The following SPDYE4 variants were observed in gnomAD, a reference collection of about 807,000 sequenced individuals.
The protein encoded by SPDYE4 is speedy/RINGO cell cycle regulator family member E4, also known as speedy protein E4.
SPDYE4 carries 30 observed loss-of-function variants against 37.5 expected under a neutral mutation model. The observed-to-expected ratio is 0.80, with a 90% CI of 0.60 to 1.09. The LOEUF (loss-of-function observed/expected upper bound fraction) is 1.09. SPDYE4 is among the 50% of genes least tolerant of loss of function. The probability of loss-of-function intolerance (pLI) is 0.00; values close to 1 mark genes in which losing one functional copy is unlikely to be tolerated. For missense variants in SPDYE4, 300 were observed against 307.9 expected (o/e 0.97, Z 0.19); for synonymous variants, 131 against 120.3 (o/e 1.09, Z -0.58).
rs896292502 is a variant in SPDYE4 at position 8,753,382 on chromosome 17, C to G, written c.593G>C (p.Arg198Pro). The G allele has an allele frequency of 1.3e-6, 2 of 1,587,128 alleles. No individual in the cohort carries two copies. The highest frequency in any genetic ancestry group is 1.1e-5 in the South Asian group (1 of 88,222). ...YSQRPLFHKLRYQLLCSMRWR... is the reference protein window; with the variant it reads ...YSQRPLFHKLPYQLLCSMRWR... The stretch of plus-strand genomic sequence containing the variant: ...GCGCATGGAACAGAGGAGCTGGTAT[C>G]GAAGCTTATGGAACAAGGGTCGCTG... Residue 198 changes from arginine (R) to proline (P), a missense_variant, in exon 5 of 7, where the codon CGA becomes CCA. Physicochemically the swap from Arg to Pro is moderately radical, Grantham distance 103. Transcript: ENST00000689094.
intron 5 of SPDYE4, 59 bp downstream of exon 5, chr17:8,753,262 C>T (rs2086742291): frequency 1.2e-6 from 2 of 1,609,018 alleles, no homozygotes; most frequent in South Asian, 2.2e-5. Flanking sequence ...CTGCCCTCCT[C>T]CAGCCTCCAG....
chr17:8,757,180 T>C (rs916460401), intron 2 of SPDYE4, 82 bp downstream of exon 2: 11 of 1,352,328 alleles, frequency 8.1e-6, no homozygotes, highest in Non-Finnish European at 1.1e-5. Context: ...CATATTCTTC[T>C]TATTGGGAAA....
intron 4 of SPDYE4, 72 bp from the exon 5 acceptor site, chr17:8,753,561 G>A: frequency 6.4e-7 from 1 of 1,568,878 alleles, no homozygotes; most frequent in Non-Finnish European, 8.6e-7. Context: ...CAGCCTCTCA[G>A]AGAGGAGGGC....
downstream of SPDYE4, among the ~76,000 whole-genome samples, chr17:8,747,602 T>A (rs1220530163): frequency 6.6e-6 from 1 of 152,236 alleles, no homozygotes; most frequent in East Asian, 1.9e-4. Flanking sequence ...TGTAGCAGGA[T>A]ATTCAATGGG....
chr17:8,753,766 G>A (rs765514312), intron 4 of SPDYE4, among the ~76,000 whole-genome samples: 8 of 152,090 alleles, frequency 5.3e-5, no homozygotes, highest in Non-Finnish European at 7.4e-5. Context: ...GAGGATCACT[G>A]GAGGCCAGGA....
At position 8,753,578 on chromosome 17, in the gene SPDYE4, C is replaced by T. The variant is rs565016558; in HGVS notation, c.486-89G>A. ...GCCTCTCAGAGAGGAGGGCAGGGGA[C>T]CTTCCTCAGCTCAGCACCAACAGCC... On this transcript the variant is annotated intron_variant, in intron 4 of 6. Coordinates refer to ENST00000689094, the MANE Select transcript of SPDYE4 (RefSeq NM_001394956.1). 1.5e-5 allele frequency: 22 copies of T among 1,504,118 alleles called. No homozygotes were observed. The South Asian group carries it at 2.4e-4, about 17-fold the overall frequency. 93.2% of individuals were successfully genotyped at this position (1,504,118 alleles called of 1,614,324 possible).
chr17:8,748,970 C>G (rs1262916036), downstream of SPDYE4, among the ~76,000 whole-genome samples: 2 of 152,160 alleles, frequency 1.3e-5, no homozygotes, highest in Non-Finnish European at 2.9e-5. Context: ...TCCTTCTAGG[C>G]TTGGGATTCT....
intron 4 of SPDYE4, 87 bp downstream of exon 4, chr17:8,755,433 A>G: frequency 6.8e-7 from 1 of 1,463,880 alleles, no homozygotes; most frequent in Non-Finnish European, 9.4e-7. Context: ...AAGTAGGGTA[A>G]AAAAATAGAT....
chr17:8,753,276 A>ACCCCCTCCCCCCCCCCCCCCCCCCCC (rs749429473), intron 5 of SPDYE4, 45 bp downstream of exon 5: 1 of 1,214,478 alleles, frequency 8.2e-7, no homozygotes. Flanking sequence ...CCTCCAGTCC[A>ACCCCCTCCCCCCCCCCCCCCCCCCCC]CCCCATCCCT....
At chr17:8,756,930 C>T (rs2086777460) in intron 2 of SPDYE4, among the ~76,000 whole-genome samples, 1 of 151,826 alleles carries the variant, frequency 6.6e-6, no homozygotes, top group South Asian at 2.1e-4. Context: ...CAGGGTCTTT[C>T]CTTGTCAACC....
At chr17:8,749,218 G>C (rs1308734618), downstream of SPDYE4, among the ~76,000 whole-genome samples, 1 of 150,588 alleles carries the variant, frequency 6.6e-6, no homozygotes, top group Non-Finnish European at 1.5e-5. Context: ...TCAGCCTCCT[G>C]GGTAGCTGGG....
At chr17:8,754,982 A>C (rs149478359) in intron 4 of SPDYE4, among the ~76,000 whole-genome samples, 10 of 152,294 alleles carry the variant, frequency 6.6e-5, no homozygotes, top group African/African-American at 2.2e-4. Context: ...TTTAGAGACA[A>C]ATCAGCTAAG....
Position 8,757,299 on chromosome 17 carries a change from C to A in SPDYE4, c.303G>T (p.Val101=). The A allele has an allele frequency of 6.2e-7, 1 of 1,605,384 alleles. No homozygotes were observed. The highest frequency in any genetic ancestry group is 8.5e-7 in the Non-Finnish European group (1 of 1,175,786). Residue 101 remains valine (V), a synonymous_variant, in exon 2 of 7, where the codon GTG becomes GTT. Coordinates refer to ENST00000689094, the MANE Select transcript of SPDYE4 (RefSeq NM_001394956.1). The part of the protein sequence containing the change: ...MKLKRKRASS[V]LPEHHEAFNR... Reference sequence around the variant, plus strand: ...TGAAGGCCTCGTGGTGCTCAGGGAGCACGGAGGATGCTCGCTTTCGCTTCA... The same window carrying A: ...TGAAGGCCTCGTGGTGCTCAGGGAGAACGGAGGATGCTCGCTTTCGCTTCA...
chr17:8,753,492 G>A lies in SPDYE4; in HGVS notation c.486-3C>T. ...CCTCCATGTCACTGGCCAGGTAGCTGGGGAGAGAGATCAGGTTGCTGCTCA... is the reference window on the plus strand; with the variant it reads ...CCTCCATGTCACTGGCCAGGTAGCTAGGGAGAGAGATCAGGTTGCTGCTCA... On this transcript the variant is annotated splice_polypyrimidine_tract_variant and splice_region_variant and intron_variant, in intron 4 of 6. Transcript: ENST00000689094. 1.2e-6 allele frequency: 2 copies of A among 1,613,458 alleles called. No homozygotes were observed. Among genetic ancestry groups the A allele is most frequent in the Non-Finnish European group, 1.7e-6 (2 of 1,179,786 alleles).
chr17:8,751,022 TAACA>T lies in SPDYE4; in HGVS notation c.*1256_*1259del, dbSNP rs1488374334. 5.3e-5 allele frequency among the ~76,000 whole-genome samples: 8 copies of T among 152,252 alleles called. No individual in the cohort carries two copies. In the South Asian group the frequency reaches 1.0e-3, roughly 20 times the overall value. On this transcript the variant is annotated 3_prime_UTR_variant, in exon 7 of 7. Coordinates refer to ENST00000689094, the MANE Select transcript of SPDYE4 (RefSeq NM_001394956.1). ...TTACGTCTGAATTCTCACAGTTCAATAACAAACAAACACTCAACATCAAATAAAA... is the reference window on the plus strand; with the variant it reads ...TTACGTCTGAATTCTCACAGTTCAATAACAAACACTCAACATCAAATAAAA...
At chr17:8,755,480 G>T in intron 4 of SPDYE4, 40 bp downstream of exon 4, 1 of 1,596,420 alleles carries the variant, frequency 6.3e-7, no homozygotes, top group Non-Finnish European at 8.6e-7. Context: ...CTGTCCCAGG[G>T]TGTTGGATAT....
intron 6 of SPDYE4, 115 bp downstream of exon 6, chr17:8,752,978 TG>T: frequency 1.1e-6 from 1 of 910,394 alleles, no homozygotes; most frequent in Non-Finnish European, 1.7e-6. Context: ...TGTATTTTTG[TG>T]GAGACGGGGT....
Position 8,752,156 on chromosome 17 carries a change from C to T in SPDYE4, c.*126G>A, listed in dbSNP as rs887119941. On this transcript the variant is annotated 3_prime_UTR_variant, in exon 7 of 7. Transcript: ENST00000689094. ...TTCTAGATGATCTGCACAGGAGGCTCCTCTCTCCCTTCCTGGTGTCTGGCA... is the reference window on the plus strand; with the variant it reads ...TTCTAGATGATCTGCACAGGAGGCTTCTCTCTCCCTTCCTGGTGTCTGGCA... Among the ~76,000 whole-genome samples the T allele has an allele frequency of 2.0e-5, 3 of 152,140 alleles. No homozygotes were observed. Among genetic ancestry groups the T allele is most frequent in the African/African-American group, 7.2e-5 (3 of 41,428 alleles).
intron 1 of SPDYE4, 88 bp downstream of exon 1, chr17:8,758,186 A>G: frequency 8.9e-7 from 1 of 1,127,710 alleles, no homozygotes; most frequent in Admixed American, 2.5e-5. Flanking sequence ...CACACACCCT[A>G]CTCAGGTGCT....
Sources: gnomAD v4.1 joint callset for allele counts (sites outside exome capture counted in the v4.1 genomes callset) on GRCh38, gnomAD v4.1.1 for gene constraint, MANE v1.5 for transcripts, NCBI Gene and HGNC (gene_info 2026-07-23, HGNC 2026-07-21) for gene names.